FOXD2: variants seen among roughly 807,000 people sequenced by gnomAD.
The protein encoded by FOXD2 is forkhead box D2.
FOXD2 carries 4 observed loss-of-function variants against 6.4 expected under a neutral mutation model. The ratio of observed to expected loss-of-function variants is 0.62; its 90% CI spans 0.31 to 1.42. The LOEUF is 1.42. Among genes scored for constraint, FOXD2 ranks in the 40% most tolerant of loss-of-function variants. FOXD2 has a pLI of 0.08. For synonymous variants in FOXD2, 393 were observed against 373.6 expected (o/e 1.05, Z -0.60); for missense variants, 709 against 766.8 (o/e 0.92, Z 0.89).
Position 47,438,990 on chromosome 1 carries a change from C to CCCGCCT in FOXD2, c.859_860insCTCCGC (p.Pro286_His287insProPro), listed in dbSNP as rs1553125546. 80 of 865,646 alleles carry CCCGCCT rather than the reference C, an allele frequency of 9.2e-5. No individual in the cohort carries two copies. Among genetic ancestry groups the CCCGCCT allele is most frequent in the Non-Finnish European group, 1.2e-4 (78 of 653,688 alleles). The allele number at this position is 865,646 out of a possible 1,614,324, so 53.6% of individuals were successfully genotyped here. ...ACGGCGCACCCCCGCCGGGGCCGGC[C>CCCGCCT]CCGCATCCGCACCCGCACCCGCACG... On this transcript the variant is annotated inframe_insertion, in exon 1 of 1. Transcript: ENST00000334793.
chr1:47,438,707 A>C lies in FOXD2; in HGVS notation c.572A>C (p.Glu191Ala). 1 of 1,613,948 alleles carries C rather than the reference A, an allele frequency of 6.2e-7. No homozygotes were observed. Among genetic ancestry groups the C allele is most frequent in the Non-Finnish European group, 8.5e-7 (1 of 1,179,962 alleles). ...LNDCFVKIPREPGNPGKGNYW... is the reference protein window; with the variant it reads ...LNDCFVKIPRAPGNPGKGNYW... ...GACTGCTTCGTCAAGATCCCCCGCGAGCCGGGCAACCCGGGCAAGGGCAAC... is the reference window on the plus strand; with the variant it reads ...GACTGCTTCGTCAAGATCCCCCGCGCGCCGGGCAACCCGGGCAAGGGCAAC... Residue 191 changes from glutamate to alanine, a missense_variant, in exon 1 of 1, where the codon GAG (glutamate) becomes GCG (alanine). Around this residue, in one of 5 missense-constraint regions of FOXD2, gnomAD observed 69 missense variants for 145.6 expected, o/e 0.47. Transcript: ENST00000334793.
In FOXD2 at chr1:47,439,879, A is replaced by C; in HGVS notation, c.*256A>C. 29 of 395,800 alleles carry C rather than the reference A, an allele frequency of 7.3e-5. No individual in the cohort carries two copies. Among genetic ancestry groups the C allele is most frequent in the East Asian group, 4.0e-4 (8 of 20,178 alleles). 24.5% of individuals were successfully genotyped at this position (395,800 alleles called of 1,614,324 possible). A position where few individuals can be genotyped will look rare whatever the true frequency, so the allele number is the denominator to read the frequency against. On this transcript the variant is annotated 3_prime_UTR_variant, in exon 1 of 1. Transcript: ENST00000334793. Reference sequence around the variant, plus strand: ...AGATTCTTTACAGTTTGAGAAATAAAAGCAGGGGGGTGGGGGCTTCGTTTT... The same window carrying C: ...AGATTCTTTACAGTTTGAGAAATAACAGCAGGGGGGTGGGGGCTTCGTTTT...
In FOXD2 at chr1:47,438,973, C is replaced by G. The variant is rs745710881; in HGVS notation, c.838C>G (p.Pro280Ala). 1.4e-6 allele frequency: 2 copies of G among 1,456,168 alleles called. No homozygotes were observed. The highest frequency in any genetic ancestry group is 2.7e-5 in the Admixed American group (1 of 37,022). The allele number at this position is 1,456,168 out of a possible 1,614,324, so 90.2% of individuals were successfully genotyped here. Residue 280 changes from proline (P) to alanine (A), a missense_variant, in exon 1 of 1, where the codon CCC becomes GCC. Pro to Ala is a conservative substitution (Grantham distance 27, BLOSUM62 -1). Transcript: ENST00000334793. ...GCTGGCTCTCCCGGCCTACGGCGCA[C>G]CCCCGCCGGGGCCGGCCCCGCATCC... Reference protein sequence around the residue: ...YGLALPAYGAPPPGPAPHPHP... With the variant: ...YGLALPAYGAAPPGPAPHPHP...
Position 47,439,239 on chromosome 1 carries a change from G to T in FOXD2, c.1104G>T (p.Ala368=), listed in dbSNP as rs1464121392. The T allele has an allele frequency of 6.7e-7, 1 of 1,499,680 alleles. No individual in the cohort carries two copies. Among genetic ancestry groups the T allele is most frequent in the Non-Finnish European group, 8.8e-7 (1 of 1,136,376 alleles). 92.9% of individuals were successfully genotyped at this position (1,499,680 alleles called of 1,614,324 possible). A position where few individuals can be genotyped will look rare whatever the true frequency, so the allele number is the denominator to read the frequency against. The change falls in exon 1 of 1, where the codon GCG becomes GCT. Residue 368 remains alanine, a synonymous_variant. Transcript: ENST00000334793. ...AELGCAKAFY[A]ASLSPPAAGT... ...TGGGCTGCGCCAAAGCCTTCTACGC[G>T]GCGTCCCTGAGTCCTCCCGCAGCCG...
chr1:47,438,055 T>C lies in FOXD2; in HGVS notation c.-81T>C, dbSNP rs1262078109. 21 of 1,164,696 alleles carry C rather than the reference T, an allele frequency of 1.8e-5. 1 individual carries two copies. Among genetic ancestry groups the C allele is most frequent in the Non-Finnish European group, 2.3e-5 (21 of 920,608 alleles). 72.1% of individuals were successfully genotyped at this position (1,164,696 alleles called of 1,614,324 possible). ...CTCCCCGCCCGCGCGCAAAACGCACTCGCCCCAGAGGCAGCGCGGCCGAGC... is the reference window on the plus strand; with the variant it reads ...CTCCCCGCCCGCGCGCAAAACGCACCCGCCCCAGAGGCAGCGCGGCCGAGC... On this transcript the variant is annotated 5_prime_UTR_variant, in exon 1 of 1. Coordinates refer to ENST00000334793, the MANE Select transcript of FOXD2 (RefSeq NM_004474.4).
In FOXD2 at chr1:47,438,237, C is replaced by G; in HGVS notation, c.102C>G (p.Ser34Arg). ...ACATAGACGTGGTGGGCGGCGGCAGCGGCGGGGGGGAGCTCCCAGCTCGCT... is the reference window on the plus strand; with the variant it reads ...ACATAGACGTGGTGGGCGGCGGCAGGGGCGGGGGGGAGCTCCCAGCTCGCT... ...DADIDVVGGG[S>R]GGGELPARSG... The change falls in exon 1 of 1, where the codon AGC (serine) becomes AGG (arginine). Residue 34 changes from serine (S) to arginine (R), a missense_variant. This residue lies in a region of FOXD2 where 220 missense variants were observed against 199.2 expected (regional missense o/e 1.10). Coordinates refer to ENST00000334793, the MANE Select transcript of FOXD2 (RefSeq NM_004474.4). The G allele has an allele frequency of 1.4e-6, 2 of 1,400,852 alleles. No individual in the cohort carries two copies. The highest frequency in any genetic ancestry group is 1.8e-6 in the Non-Finnish European group (2 of 1,081,726). The allele number at this position is 1,400,852 out of a possible 1,614,324, so 86.8% of individuals were successfully genotyped here. A position where few individuals can be genotyped will look rare whatever the true frequency, so the allele number is the denominator to read the frequency against.
chr1:47,438,566 C>T lies in FOXD2; in HGVS notation c.431C>T (p.Pro144Leu). 1 of 1,613,790 alleles carries T rather than the reference C, an allele frequency of 6.2e-7. No individual in the cohort carries two copies. The highest frequency in any genetic ancestry group is 8.5e-7 in the Non-Finnish European group (1 of 1,179,890). Residue 144 changes from proline (P) to leucine (L), a missense_variant, in exon 1 of 1, where the codon CCC (proline) becomes CTC (leucine). By Grantham distance (98) the Pro-to-Leu change is moderately conservative. Transcript: ENST00000334793. Reference protein sequence around the residue: ...ALITMAILQSPKKRLTLSEIC... With the variant: ...ALITMAILQSLKKRLTLSEIC... ...ATCACCATGGCCATCCTGCAGAGCC[C>T]CAAGAAGCGGCTGACGTTGAGCGAG...
rs1353936207 is a variant in FOXD2, at chr1:47,440,268, C to A, written c.*645C>A. 2 of 166,926 alleles carry A rather than the reference C, an allele frequency of 1.2e-5. No individual in the cohort carries two copies. Among genetic ancestry groups the A allele is most frequent in the African/African-American group, 4.8e-5 (2 of 41,406 alleles). The allele number at this position is 166,926 out of a possible 1,614,324, so 10.3% of individuals were successfully genotyped here. On this transcript the variant is annotated 3_prime_UTR_variant, in exon 1 of 1. Coordinates refer to ENST00000334793, the MANE Select transcript of FOXD2 (RefSeq NM_004474.4). ...TGGATCCCACTCCACTGAGGAAAAT[C>A]CTTTCTCTTTTGTGTTTGGGTGCTT...
rs767048456 is a variant in FOXD2 at position 47,439,323 on chromosome 1, C to A, written c.1188C>A (p.Gly396=). 1.4e-6 allele frequency: 2 copies of A among 1,476,650 alleles called. No individual in the cohort carries two copies. Among genetic ancestry groups the A allele is most frequent in the South Asian group, 2.7e-5 (2 of 75,036 alleles). The allele number at this position is 1,476,650 out of a possible 1,614,324, so 91.5% of individuals were successfully genotyped here. ...LLRQGLKTDA[G]GGAGGGGAGA... ...GCCAGGGCCTCAAGACGGACGCGGGCGGTGGTGCAGGCGGCGGGGGCGCCG... is the reference window on the plus strand; with the variant it reads ...GCCAGGGCCTCAAGACGGACGCGGGAGGTGGTGCAGGCGGCGGGGGCGCCG... Residue 396 remains glycine, a synonymous_variant, in exon 1 of 1, where the codon GGC becomes GGA. Coordinates refer to ENST00000334793, the MANE Select transcript of FOXD2 (RefSeq NM_004474.4).
In FOXD2 at chr1:47,438,614, G is replaced by A. The variant is rs747378682; in HGVS notation, c.479G>A (p.Arg160His). 36 of 1,613,968 alleles carry A rather than the reference G, an allele frequency of 2.2e-5. No individual in the cohort carries two copies. Among genetic ancestry groups the A allele is most frequent in the Non-Finnish European group, 3.0e-5 (35 of 1,179,976 alleles). Residue 160 changes from arginine to histidine, a missense_variant, in exon 1 of 1, where the codon CGC (arginine) becomes CAC (histidine). Physicochemically the swap from Arg to His is conservative, Grantham distance 29. Around this residue, in one of 5 missense-constraint regions of FOXD2, gnomAD observed 69 missense variants for 145.6 expected, o/e 0.47. Coordinates refer to ENST00000334793, the MANE Select transcript of FOXD2 (RefSeq NM_004474.4). The stretch of plus-strand genomic sequence containing the variant: ...GAGATCTGCGAGTTCATCAGCGGCC[G>A]CTTCCCCTACTACCGGGAGAAGTTC... ...LSEICEFISG[R>H]FPYYREKFPA... is the part of the protein sequence containing the mutation.
Position 47,438,498 on chromosome 1 carries a change from G to A in FOXD2, c.363G>A (p.Thr121=). Residue 121 remains threonine (T), a synonymous_variant, in exon 1 of 1, where the codon ACG becomes ACA. Coordinates refer to ENST00000334793, the MANE Select transcript of FOXD2 (RefSeq NM_004474.4). ...GPGPPSGGAA[T]RSPLVKPPYS... ...GACCGCCGTCGGGGGGCGCGGCGAC[G>A]CGGAGCCCGCTGGTGAAGCCGCCCT... The A allele has an allele frequency of 6.3e-7, 1 of 1,583,466 alleles. No individual in the cohort carries two copies. The highest frequency in any genetic ancestry group is 1.1e-5 in the South Asian group (1 of 88,324).
Position 47,438,126 on chromosome 1 carries a change from C to T in FOXD2, c.-10C>T. 2.1e-6 allele frequency: 3 copies of T among 1,407,486 alleles called. No homozygotes were observed. Among genetic ancestry groups the T allele is most frequent in the South Asian group, 1.5e-5 (1 of 67,600 alleles). The allele number at this position is 1,407,486 out of a possible 1,614,324, so 87.2% of individuals were successfully genotyped here. On this transcript the variant is annotated 5_prime_UTR_variant, in exon 1 of 1. Coordinates refer to ENST00000334793, the MANE Select transcript of FOXD2 (RefSeq NM_004474.4). ...AGCCGGAGAGTGGCGGCGGCGGCGG[C>T]AGCGGCACCATGACCCTGGGCAGCT...
Position 47,439,683 on chromosome 1 carries a change from C to A in FOXD2, c.*60C>A. 1 of 1,446,224 alleles carries A rather than the reference C, an allele frequency of 6.9e-7. No homozygotes were observed. The highest frequency in any genetic ancestry group is 2.6e-5 in the East Asian group (1 of 38,910). 89.6% of individuals were successfully genotyped at this position (1,446,224 alleles called of 1,614,324 possible). ...CCTCAGCCTCTCCCGGGAGTTCCTG[C>A]GGTCCCAGCGGAACTCAGGGAGTCT... On this transcript the variant is annotated 3_prime_UTR_variant, in exon 1 of 1. Coordinates refer to ENST00000334793, the MANE Select transcript of FOXD2 (RefSeq NM_004474.4).
Position 47,439,600 on chromosome 1 carries a change from G to T in FOXD2, c.1465G>T (p.Gly489Cys). 1 of 1,554,386 alleles carries T rather than the reference G, an allele frequency of 6.4e-7. No homozygotes were observed. The highest frequency in any genetic ancestry group is 8.7e-7 in the Non-Finnish European group (1 of 1,149,626). The stretch of plus-strand genomic sequence containing the variant: ...GTCCCGGTTTGCCAGCAAAGTCGCC[G>T]GCCTTAGTGGCTGCCACTTCTGACC... ...SGSRFASKVA[G>C]LSGCHF Residue 489 changes from glycine to cysteine, a missense_variant, in exon 1 of 1, where the codon GGC becomes TGC. By Grantham distance (159) the Gly-to-Cys change is radical. Transcript: ENST00000334793.
rs560778798 is a variant in FOXD2 at position 47,440,381 on chromosome 1, C to T, written c.*758C>T. The T allele has an allele frequency of 6.0e-6, 1 of 167,142 alleles. No individual in the cohort carries two copies. Among genetic ancestry groups the T allele is most frequent in the South Asian group, 2.1e-4 (1 of 4,830 alleles). 10.4% of individuals were successfully genotyped at this position (167,142 alleles called of 1,614,324 possible). ...TGTCAGTGTTCCACCCTGTCCCAGGCCCTGTGATATTTATTGTGGCTAAAG... is the reference window on the plus strand; with the variant it reads ...TGTCAGTGTTCCACCCTGTCCCAGGTCCTGTGATATTTATTGTGGCTAAAG... On this transcript the variant is annotated 3_prime_UTR_variant, in exon 1 of 1. Coordinates refer to ENST00000334793, the MANE Select transcript of FOXD2 (RefSeq NM_004474.4).
In FOXD2 at chr1:47,439,739, AC is replaced by A. The variant is rs370610410; in HGVS notation, c.*117del. On this transcript the variant is annotated 3_prime_UTR_variant, in exon 1 of 1. Transcript: ENST00000334793. ...TGAAGTCTCCAGACCTTGGGCCGGC[AC>A]GCGTGACACGGCACTTCAGGCTCCA... 367 of 912,274 alleles carry A rather than the reference AC, an allele frequency of 4.0e-4. 3 individuals are homozygous for A. The East Asian group carries it at 9.1e-3, about 23-fold the overall frequency. The allele number at this position is 912,274 out of a possible 1,614,324, so 56.5% of individuals were successfully genotyped here. A position where few individuals can be genotyped will look rare whatever the true frequency, so the allele number is the denominator to read the frequency against.
chr1:47,438,482 C>G lies in FOXD2; in HGVS notation c.347C>G (p.Ser116Trp), dbSNP rs1557455963. Residue 116 changes from serine to tryptophan, a missense_variant, in exon 1 of 1, where the codon TCG (serine) becomes TGG (tryptophan). Ser to Trp is a radical substitution (Grantham distance 177). This residue lies in a region of FOXD2 where 220 missense variants were observed against 199.2 expected (regional missense o/e 1.10). Transcript: ENST00000334793. Reference sequence around the variant, plus strand: ...GCGGGGCCCGGGCCGGGACCGCCGTCGGGGGGCGCGGCGACGCGGAGCCCG... The same window carrying G: ...GCGGGGCCCGGGCCGGGACCGCCGTGGGGGGGCGCGGCGACGCGGAGCCCG... The part of the protein sequence containing the change: ...GAAGPGPGPP[S>W]GGAATRSPLV... The G allele has an allele frequency of 1.3e-6, 2 of 1,565,532 alleles. No individual in the cohort carries two copies.
In FOXD2 at chr1:47,438,106, G is replaced by T. The variant is rs566956123; in HGVS notation, c.-30G>T. On this transcript the variant is annotated 5_prime_UTR_variant, in exon 1 of 1. Coordinates refer to ENST00000334793, the MANE Select transcript of FOXD2 (RefSeq NM_004474.4). ...CCGAGCCGCTGCCGGAGCGGAGCCG[G>T]AGAGTGGCGGCGGCGGCGGCAGCGG... The T allele has an allele frequency of 2.2e-6, 3 of 1,387,410 alleles. No individual in the cohort carries two copies. Among genetic ancestry groups the T allele is most frequent in the Non-Finnish European group, 2.8e-6 (3 of 1,074,818 alleles). The allele number at this position is 1,387,410 out of a possible 1,614,324, so 85.9% of individuals were successfully genotyped here. A position where few individuals can be genotyped will look rare whatever the true frequency, so the allele number is the denominator to read the frequency against.
chr1:47,438,443 C>G lies in FOXD2; in HGVS notation c.308C>G (p.Ala103Gly), dbSNP rs1486440464. The G allele has an allele frequency of 6.5e-6, 7 of 1,069,472 alleles. No homozygotes were observed. Among genetic ancestry groups the G allele is most frequent in the Non-Finnish European group, 8.0e-6 (7 of 880,054 alleles). The allele number at this position is 1,069,472 out of a possible 1,614,324, so 66.2% of individuals were successfully genotyped here. Residue 103 changes from alanine to glycine, a missense_variant, in exon 1 of 1, where the codon GCG becomes GGG. Ala to Gly is a moderately conservative substitution (Grantham distance 60, BLOSUM62 0). Transcript: ENST00000334793. ...AAGSPGPGAAAARGAAGPGPG... is the reference protein window; with the variant it reads ...AAGSPGPGAAGARGAAGPGPG... ...GGGAGCCCGGGGCCAGGCGCCGCGG[C>G]GGCCCGCGGCGCAGCGGGGCCCGGG... is the stretch of plus-strand genomic sequence containing the variant.
Sources: gnomAD v4.1 joint callset for allele counts on GRCh38, gnomAD v4.1.1 for gene constraint, gnomAD v4.1.1 regional missense constraint, MANE v1.5 for transcripts, NCBI Gene and HGNC (gene_info 2026-07-23, HGNC 2026-07-21) for gene names.